CELF5: variants seen among roughly 807,000 people sequenced by gnomAD.
CELF5 encodes the protein CUGBP Elav-like family member 5, also known as CUG-BP and ETR-3 like factor 5.
A neutral mutation model predicts 54.9 loss-of-function variants in CELF5; 6 were observed. That is an observed-to-expected ratio of 0.11 (90% CI 0.06 to 0.22). The LOEUF (loss-of-function observed/expected upper bound fraction) is 0.22, where lower values mean the gene tolerates loss of function less well. Among genes scored for constraint, CELF5 ranks in the 10% least tolerant of loss-of-function variants. The pLI is 1.00. For missense variants in CELF5, 401 were observed against 678.6 expected, an observed-to-expected ratio of 0.59 and a Z score of 4.54; for synonymous variants, 271 against 290.9, an observed-to-expected ratio of 0.93 and a Z score of 0.70.
Position 3,228,631 on chromosome 19 carries a change from C to T in CELF5, c.259+3633C>T, listed in dbSNP as rs1043852158. ...CGGTGCAGGTGGGGGGGGGGCCCGG[C>T]GGGGGCCCGGGTGGGGGCCCGCGGT... is the stretch of plus-strand genomic sequence containing the variant. On this transcript the variant is annotated intron_variant, in intron 1 of 12. Coordinates refer to ENST00000292672, the MANE Select transcript of CELF5 (RefSeq NM_021938.4). This position sits in a 1 kb window ranked among gnomAD's most constrained non-coding sequence, Gnocchi z 6.0. 9.3e-6 allele frequency among the ~76,000 whole-genome samples: 1 copy of T among 107,526 alleles called. No individual in the cohort carries two copies. Among genetic ancestry groups the T allele is most frequent in the Non-Finnish European group, 2.0e-5 (1 of 50,012 alleles). 70.5% of individuals were successfully genotyped at this position (107,526 alleles called of 152,430 possible).
At chr19:3,279,082 C>T (rs575496783) in intron 5 of CELF5, among the ~76,000 whole-genome samples, 1 of 152,216 alleles carries the variant, frequency 6.6e-6, no homozygotes, top group African/African-American at 2.4e-5. Context: ...GGGTGCAAGA[C>T]TAGAGGCTGG....
intron 1 of CELF5, among the ~76,000 whole-genome samples, chr19:3,231,246 A>C (rs537565629): frequency 6.6e-6 from 1 of 152,348 alleles, no homozygotes; most frequent in African/African-American, 2.4e-5. Context: ...GAACAAGGGC[A>C]TGAGGAAATG....
In CELF5 at chr19:3,266,208, G is replaced by A. The variant is rs369397968; in HGVS notation, c.343-7664G>A. Among the ~76,000 whole-genome samples the A allele has an allele frequency of 4.6e-5, 7 of 152,302 alleles. No homozygotes were observed. The East Asian group carries it at 5.8e-4, about 13-fold the overall frequency. Reference sequence around the variant, plus strand: ...CATTGGGTCATTGCCATGGAAAGGCGGTAACTTCTAGGTGTTGCTGTGGCA... The same window carrying A: ...CATTGGGTCATTGCCATGGAAAGGCAGTAACTTCTAGGTGTTGCTGTGGCA... On this transcript the variant is annotated intron_variant, in intron 2 of 12. Coordinates refer to ENST00000292672, the MANE Select transcript of CELF5 (RefSeq NM_021938.4).
At position 3,241,747 on chromosome 19, in the gene CELF5, G is replaced by A. The variant is rs142714297; in HGVS notation, c.260-9238G>A. ...GGCCCTCAGCATTTGATCCAGCCCC[G>A]TGTTTCTGACAAAGGTGGCACTAGT... On this transcript the variant is annotated intron_variant, in intron 1 of 12. Transcript: ENST00000292672. 9.7e-3 allele frequency among the ~76,000 whole-genome samples: 1,473 copies of A among 152,238 alleles called. 21 individuals are homozygous for A. The highest frequency in any genetic ancestry group is 0.032 in the African/African-American group (1,327 of 41,556).
Position 3,243,852 on chromosome 19 carries a change from C to T in CELF5, c.260-7133C>T, listed in dbSNP as rs112031677. Among the ~76,000 whole-genome samples, 791 of 152,142 alleles carry T rather than the reference C, an allele frequency of 5.2e-3. 4 individuals are homozygous for T. The highest frequency in any genetic ancestry group is 0.027 in the Middle Eastern group (8 of 294). ...CCCATCTCCGCCTGCATCTTCACGT[C>T]CCCCTGCCTGTGCGTGTCTCTGTGT... On this transcript the variant is annotated intron_variant, in intron 1 of 12. Transcript: ENST00000292672.
intron 2 of CELF5, among the ~76,000 whole-genome samples, chr19:3,273,622 T>C (rs527973076): frequency 6.6e-6 from 1 of 152,318 alleles, no homozygotes; most frequent in African/African-American, 2.4e-5. Context: ...CTATCACATT[T>C]GGGGAAGCAA....
At chr19:3,251,109 G>A (rs760267880) in intron 2 of CELF5, 42 bp downstream of exon 2, 4 of 1,496,310 alleles carry the variant, frequency 2.7e-6, no homozygotes, top group Non-Finnish European at 3.7e-6. Context: ...GACAGGGGAT[G>A]GCTCTCAGCC....
At chr19:3,284,561 G>A (rs1480699450) in intron 8 of CELF5, among the ~76,000 whole-genome samples, 1 of 152,126 alleles carries the variant, frequency 6.6e-6, no homozygotes, top group Non-Finnish European at 1.5e-5. Flanking sequence ...TTGAGGTGGA[G>A]GCTGAAGTCC....
intron 3 of CELF5, among the ~76,000 whole-genome samples, 182 bp downstream of exon 3, chr19:3,274,105 G>C (rs983376028): frequency 5.9e-5 from 9 of 152,318 alleles, no homozygotes; most frequent in South Asian, 2.1e-4. Context: ...TTTGGTGGGG[G>C]GAGAAGCAGG....
chr19:3,277,428 C>T (rs149734749), intron 4 of CELF5, among the ~76,000 whole-genome samples: 146 of 152,266 alleles, frequency 9.6e-4, no homozygotes, highest in African/African-American at 3.4e-3. Context: ...GCCGAGATCA[C>T]GCCACTGCAC....
At chr19:3,232,271 G>A (rs1763074475) in intron 1 of CELF5, among the ~76,000 whole-genome samples, 1 of 152,200 alleles carries the variant, frequency 6.6e-6, no homozygotes, top group African/African-American at 2.4e-5. Flanking sequence ...TTTATATGAT[G>A]TGGCCAGGCG....
intron 1 of CELF5, among the ~76,000 whole-genome samples, chr19:3,235,845 A>C (rs1231564614): frequency 7.0e-6 from 1 of 142,996 alleles, no homozygotes; most frequent in Non-Finnish European, 1.5e-5. Context: ...TGGATGAATG[A>C]ATGGATGGAT....
At chr19:3,259,594 A>G (rs1257738587) in intron 2 of CELF5, among the ~76,000 whole-genome samples, 1 of 151,872 alleles carries the variant, frequency 6.6e-6, no homozygotes, top group Non-Finnish European at 1.5e-5. Flanking sequence ...CTCCCTCCCC[A>G]CTCAGGGTGC....
intron 10 of CELF5, 144 bp downstream of exon 10, chr19:3,286,169 C>A (rs976998298): frequency 1.2e-5 from 7 of 606,540 alleles, no homozygotes; most frequent in Admixed American, 4.0e-5. Flanking sequence ...GAGTTGAGTC[C>A]CGGTGCAGCC....
chr19:3,231,593 GTGGA>G (rs1208555279), intron 1 of CELF5, among the ~76,000 whole-genome samples: 9 of 145,798 alleles, frequency 6.2e-5, no homozygotes, highest in South Asian at 2.2e-4. Context: ...AGATGGGTGG[GTGGA>G]TGGATGGATG....
At position 3,266,895 on chromosome 19, in the gene CELF5, C is replaced by G. The variant is rs1031711758; in HGVS notation, c.343-6977C>G. On this transcript the variant is annotated intron_variant, in intron 2 of 12. Coordinates refer to ENST00000292672, the MANE Select transcript of CELF5 (RefSeq NM_021938.4). ...CTGCTGACAGCTCCTCTGCAGGGAG[C>G]TGAAGCACGAGGTTCGCCCTGTGCT... Among the ~76,000 whole-genome samples, 8 of 152,306 alleles carry G rather than the reference C, an allele frequency of 5.3e-5. No homozygotes were observed. The East Asian group carries it at 1.5e-3, about 29-fold the overall frequency.
chr19:3,282,120 C>T lies in CELF5; in HGVS notation c.751-6C>T, dbSNP rs773835763. ...CACCCCAACTGTGACATGTCTTCAC[C>T]CCCAGCTCATGCAACAGCAGACAAC... On this transcript the variant is annotated splice_region_variant and splice_polypyrimidine_tract_variant and intron_variant, in intron 6 of 12. Transcript: ENST00000292672. This position sits in a 1 kb window ranked among gnomAD's most constrained non-coding sequence, Gnocchi z 5.2. 3 of 1,614,160 alleles carry T rather than the reference C, an allele frequency of 1.9e-6. No homozygotes were observed. Among genetic ancestry groups the T allele is most frequent in the Non-Finnish European group, 2.5e-6 (3 of 1,180,018 alleles).
At chr19:3,253,973 C>G (rs2079685059) in intron 2 of CELF5, among the ~76,000 whole-genome samples, 1 of 152,166 alleles carries the variant, frequency 6.6e-6, no homozygotes, top group Non-Finnish European at 1.5e-5. Context: ...CTCTATTCCA[C>G]TGTCTGAGGC....
In CELF5 at chr19:3,278,387, A is replaced by G. The variant is rs1302729501; in HGVS notation, c.603+277A>G. On this transcript the variant is annotated intron_variant, in intron 5 of 12. Coordinates refer to ENST00000292672, the MANE Select transcript of CELF5 (RefSeq NM_021938.4). The surrounding 1 kb of genome is among the most constrained non-coding windows in gnomAD (Gnocchi z 4.5). The stretch of plus-strand genomic sequence containing the variant: ...AGTGTGTGCGTGTGGGTGAGTGTGC[A>G]TGTCTGGGTGTGAGTGTGCCCGAGA... Among the ~76,000 whole-genome samples the G allele has an allele frequency of 6.6e-6, 1 of 151,512 alleles. No homozygotes were observed. Among genetic ancestry groups the G allele is most frequent in the Non-Finnish European group, 1.5e-5 (1 of 67,866 alleles).
Sources: gnomAD v4.1 joint callset for allele counts (sites outside exome capture counted in the v4.1 genomes callset) on GRCh38, gnomAD v4.1.1 for gene constraint, Gnocchi (gnomAD v3.1) non-coding constraint, MANE v1.5 for transcripts, NCBI Gene and HGNC (gene_info 2026-07-23, HGNC 2026-07-21) for gene names.